RRP12: variants seen among roughly 807,000 people sequenced by gnomAD.
The protein encoded by RRP12 is RRP12-like protein.
A neutral mutation model predicts 157.3 loss-of-function variants in RRP12; 78 were observed. The observed-to-expected ratio is 0.50, with a 90% CI of 0.41 to 0.60. RRP12 has a LOEUF of 0.60. Ranked by LOEUF, RRP12 falls within the 20% of genes least tolerant of loss-of-function variation. RRP12 has a pLI of 0.00. For missense variants in RRP12, 1,521 were observed against 1,679.9 expected (o/e 0.91, Z 1.65); for synonymous variants, 726 against 670.9 (o/e 1.08, Z -1.27).
At chr10:97,369,608 TA>T in intron 24 of RRP12, 26 bp from the exon 25 acceptor site, 1 of 1,548,688 alleles carries the variant, frequency 6.5e-7, no homozygotes, top group Non-Finnish European at 8.7e-7. Context: ...GGTCACTGTC[TA>T]AGACACCCAG....
At chr10:97,361,426 T>G (rs1843839471) in intron 30 of RRP12, among the ~76,000 whole-genome samples, 1 of 152,208 alleles carries the variant, frequency 6.6e-6, no homozygotes, top group Non-Finnish European at 1.5e-5. Context: ...GGCTGGTCCC[T>G]GCACTGTGGT....
intron 2 of RRP12, among the ~76,000 whole-genome samples, chr10:97,399,618 GC>G (rs1418588091): frequency 6.6e-6 from 1 of 151,994 alleles, no homozygotes; most frequent in Non-Finnish European, 1.5e-5. Context: ...ATTTTAGGAG[GC>G]CAAGGTGGGC....
chr10:97,393,529 T>A (rs1355170608), intron 4 of RRP12, 155 bp downstream of exon 4: 8 of 704,368 alleles, frequency 1.1e-5, no homozygotes, highest in Non-Finnish European at 2.1e-5. Flanking sequence ...TACGACGGTA[T>A]GTCACATGCT....
At position 97,401,175 on chromosome 10, in the gene RRP12, C is replaced by T. The variant is rs1242809397; in HGVS notation, c.57G>A (p.Lys19=). Residue 19 remains lysine, a synonymous_variant, in exon 1 of 34, where the codon AAG becomes AAA. Transcript: ENST00000370992. ...GGTTGCTGTCGCTGCTGTGGCCTTT[C>T]TTCCAGCGCTTCAACTTAGCTGAGA... ...SGVSAKLKRW[K]KGHSSDSNPA... is the part of the protein sequence containing the mutation. The T allele has an allele frequency of 1.1e-5, 18 of 1,614,060 alleles. No individual in the cohort carries two copies. The highest frequency in any genetic ancestry group is 1.3e-5 in the African/African-American group (1 of 74,926).
intron 26 of RRP12, 26 bp downstream of exon 26, chr10:97,367,014 AC>A (rs1402057867): frequency 6.2e-7 from 1 of 1,612,480 alleles, no homozygotes. Flanking sequence ...CGCTTGCCCT[AC>A]CCCCGCCCCT....
intron 32 of RRP12, 160 bp downstream of exon 32, chr10:97,358,783 A>G (rs948673824): frequency 3.4e-5 from 27 of 788,196 alleles, no homozygotes; most frequent in Non-Finnish European, 5.4e-5. Context: ...CCCATTTCAG[A>G]TGCCACAAGG....
Position 97,381,784 on chromosome 10 carries a change from A to G in RRP12, c.1251T>C (p.Phe417=). The G allele has an allele frequency of 6.2e-7, 1 of 1,613,842 alleles. No homozygotes were observed. Among genetic ancestry groups the G allele is most frequent in the Non-Finnish European group, 8.5e-7 (1 of 1,179,800 alleles). ...DLGLGHLPRF[F]GTAVTCLLSP... ...AAAGGAGGCAGGTCACCGCAGTTCC[A>G]AAAAAGCGAGGGAGGTGGCCTAGCC... The change falls in exon 11 of 34, where the codon TTT becomes TTC. Residue 417 remains phenylalanine (F), a synonymous_variant. Coordinates refer to ENST00000370992, the MANE Select transcript of RRP12 (RefSeq NM_015179.4).
chr10:97,381,328 T>A, intron 12 of RRP12, 58 bp downstream of exon 12: 3 of 1,270,460 alleles, frequency 2.4e-6, no homozygotes, highest in Non-Finnish European at 3.3e-6. Context: ...ATTCGTATTA[T>A]ATAGAACTTT....
intron 24 of RRP12, among the ~76,000 whole-genome samples, chr10:97,369,792 G>C (rs1838603822): frequency 6.6e-6 from 1 of 152,342 alleles, no homozygotes; most frequent in South Asian, 2.1e-4. Flanking sequence ...TTCCATTTTA[G>C]AGATAAGAAA....
At chr10:97,372,847 G>A in intron 18 of RRP12, 44 bp from the exon 19 acceptor site, 1 of 1,537,236 alleles carries the variant, frequency 6.5e-7, no homozygotes, top group Admixed American at 2.0e-5. Context: ...CATTGGGGAG[G>A]AGCGAAAGAA....
intron 29 of RRP12, among the ~76,000 whole-genome samples, chr10:97,364,699 AGAGC>A (rs1843927184): frequency 6.6e-6 from 1 of 152,248 alleles, no homozygotes; most frequent in South Asian, 2.1e-4. Context: ...CCTGAGTGAC[AGAGC>A]GAGACTCTAT....
At chr10:97,361,592 G>A (rs1207134399) in intron 30 of RRP12, among the ~76,000 whole-genome samples, 1 of 152,226 alleles carries the variant, frequency 6.6e-6, no homozygotes, top group Non-Finnish European at 1.5e-5. Flanking sequence ...GGTGTGCCTG[G>A]GAGACGGGGG....
At chr10:97,372,538 C>T (rs904032325) in intron 19 of RRP12, among the ~76,000 whole-genome samples, 198 bp downstream of exon 19, 4 of 152,152 alleles carry the variant, frequency 2.6e-5, no homozygotes, top group Admixed American at 2.6e-4. Context: ...CTCCTGGGTC[C>T]TTGTTCCTCC....
chr10:97,385,319 A>T (rs1844598328), intron 9 of RRP12, 62 bp from the exon 10 acceptor site: 1 of 1,249,424 alleles, frequency 8.0e-7, no homozygotes, highest in African/African-American at 1.5e-5. Flanking sequence ...AGTGATGATG[A>T]CCCCTTCCCA....
At chr10:97,369,724 C>A in intron 24 of RRP12, 142 bp from the exon 25 acceptor site, 1 of 872,264 alleles carries the variant, frequency 1.1e-6, no homozygotes, top group Non-Finnish European at 1.7e-6. Flanking sequence ...GTTCCAATCA[C>A]GCTCCATGGA....
chr10:97,379,199 G>A (rs1047705109), intron 15 of RRP12, 94 bp downstream of exon 15: 2 of 1,415,602 alleles, frequency 1.4e-6, no homozygotes, highest in South Asian at 1.2e-5. Context: ...TGAAGGCTGG[G>A]TGTGTGGGAC....
intron 25 of RRP12, among the ~76,000 whole-genome samples, chr10:97,367,821 T>C (rs1844032582): frequency 6.6e-6 from 1 of 152,162 alleles, no homozygotes. Flanking sequence ...AACCTCCACC[T>C]CCTGGGTTCA....
At chr10:97,362,513 C>T (rs918318689) in intron 30 of RRP12, among the ~76,000 whole-genome samples, 5 of 152,094 alleles carry the variant, frequency 3.3e-5, no homozygotes, top group South Asian at 4.2e-4. Flanking sequence ...GTTTGGCAGA[C>T]GACTGCCATC....
Position 97,369,487 on chromosome 10 carries a change from A to G in RRP12, c.2893T>C (p.Phe965Leu). Residue 965 changes from phenylalanine to leucine, a missense_variant, in exon 25 of 34, where the codon TTC (phenylalanine) becomes CTC (leucine). Coordinates refer to ENST00000370992, the MANE Select transcript of RRP12 (RefSeq NM_015179.4). ...TRDVVKSALG[F>L]IKVAVTVMDV... is the part of the protein sequence containing the mutation. Reference sequence around the variant, plus strand: ...ATGACAGTCACTGCCACCTTGATGAAGCCCAGTGCAGACTTGACCACGTCA... The same window carrying G: ...ATGACAGTCACTGCCACCTTGATGAGGCCCAGTGCAGACTTGACCACGTCA... 1 of 1,610,676 alleles carries G rather than the reference A, an allele frequency of 6.2e-7. No individual in the cohort carries two copies. The highest frequency in any genetic ancestry group is 1.1e-5 in the South Asian group (1 of 90,244).
Sources: allele counts gnomAD v4.1 joint callset (sites outside exome capture counted in the v4.1 genomes callset), GRCh38; gene constraint gnomAD v4.1.1; transcripts MANE v1.5; gene names NCBI Gene and HGNC (gene_info 2026-07-23, HGNC 2026-07-21).